DGCR8: variants seen among roughly 807,000 people sequenced by gnomAD.
DGCR8 encodes microprocessor complex subunit DGCR8.
Under a neutral mutation model 78.5 loss-of-function variants are expected in DGCR8, and 14 were observed. The observed-to-expected ratio is 0.18, with a 90% confidence interval of 0.12 to 0.28. The LOEUF (loss-of-function observed/expected upper bound fraction) is 0.28, where lower values mean the gene tolerates loss of function less well. DGCR8 is among the 10% of genes least tolerant of loss of function. DGCR8 has a pLI of 1.00. For missense variants in DGCR8, 702 were observed against 1,022.5 expected (o/e 0.69, Z 4.28); for synonymous variants, 399 against 402.4 (o/e 0.99, Z 0.10).
In DGCR8 at chr22:20,110,445, T is replaced by C. The variant is rs2049825551; in HGVS notation, c.*337T>C. 3.5e-6 allele frequency: 1 copy of C among 283,912 alleles called. No individual in the cohort carries two copies. The highest frequency in any genetic ancestry group is 5.0e-5 in the Admixed American group (1 of 19,970). The allele number at this position is 283,912 out of a possible 1,614,324, so 17.6% of individuals were successfully genotyped here. A position where few individuals can be genotyped will look rare whatever the true frequency, so the allele number is the denominator to read the frequency against. Reference sequence around the variant, plus strand: ...TTATGAAGGCTTTCATGAATTTTAGTATGTAATACGCACTGACGACACATG... The same window carrying C: ...TTATGAAGGCTTTCATGAATTTTAGCATGTAATACGCACTGACGACACATG... On this transcript the variant is annotated 3_prime_UTR_variant, in exon 14 of 14. Transcript: ENST00000351989.
chr22:20,102,103 TA>T, intron 9 of DGCR8: 1 of 974,378 alleles, frequency 1.0e-6, no homozygotes, highest in African/African-American at 1.7e-5. Flanking sequence ...CATCTTATTT[TA>T]AAATTTACAT....
intron 5 of DGCR8, among the ~76,000 whole-genome samples, chr22:20,090,560 T>A (rs1242925944): frequency 6.6e-6 from 1 of 152,230 alleles, no homozygotes; most frequent in African/African-American, 2.4e-5. Context: ...GATCTTTCCC[T>A]AAGTCTTGCT....
intron 1 of DGCR8, among the ~76,000 whole-genome samples, chr22:20,083,184 C>T (rs2049437061): frequency 6.6e-6 from 1 of 152,188 alleles, no homozygotes; most frequent in South Asian, 2.1e-4. Context: ...CTTCTTGGAT[C>T]CCCCTTCCTA....
intron 9 of DGCR8, among the ~76,000 whole-genome samples, chr22:20,098,877 A>G (rs1259302345): frequency 6.6e-6 from 1 of 152,196 alleles, no homozygotes; most frequent in Non-Finnish European, 1.5e-5. Flanking sequence ...GTCTCCAAAT[A>G]CTGTTGCATT....
Position 20,085,051 on chromosome 22 carries a change from G to A in DGCR8, c.-277-636G>A, listed in dbSNP as rs2049463843. 1.0e-6 allele frequency: 1 copy of A among 984,328 alleles called. No individual in the cohort carries two copies. The highest frequency in any genetic ancestry group is 1.2e-6 in the Non-Finnish European group (1 of 829,218). The allele number at this position is 984,328 out of a possible 1,614,324, so 61.0% of individuals were successfully genotyped here. A position where few individuals can be genotyped will look rare whatever the true frequency, so the allele number is the denominator to read the frequency against. Reference sequence around the variant, plus strand: ...AATCCTGGCAGGTCCCTTCCCCACAGCCACCCACCCCTCTCCTCCATCGGG... The same window carrying A: ...AATCCTGGCAGGTCCCTTCCCCACAACCACCCACCCCTCTCCTCCATCGGG... On this transcript the variant is annotated intron_variant, in intron 1 of 13. Transcript: ENST00000351989. This position sits in a 1 kb window ranked among gnomAD's most constrained non-coding sequence, Gnocchi z 6.2.
At chr22:20,084,980 C>T (rs947297872) in intron 1 of DGCR8, 1 of 985,268 alleles carries the variant, frequency 1.0e-6, no homozygotes, top group African/African-American at 1.7e-5. Context: ...GCACCCAGGC[C>T]TCTCTGTGCC....
chr22:20,080,771 C>T (rs941777540), intron 1 of DGCR8: 6 of 152,320 alleles, frequency 3.9e-5, no homozygotes, highest in Admixed American at 3.3e-4. Flanking sequence ...GTCTTTTTGT[C>T]CACAGAATGC....
chr22:20,096,564 CT>C (rs1211127157), intron 9 of DGCR8: 1 of 801,852 alleles, frequency 1.2e-6, no homozygotes, highest in African/African-American at 1.9e-5. Context: ...GCCTTTTAAA[CT>C]ATATAAGTGG....
chr22:20,086,320 G>A lies in DGCR8; in HGVS notation c.357G>A (p.Lys119=). ...ACCTTAAGTTGCTTAAGGATGTAAA[G>A]ATTAGCGTGAGCTTTACCGAGAGCT... is the stretch of plus-strand genomic sequence containing the variant. ...SPDLKLLKDV[K]ISVSFTESCR... is the part of the protein sequence containing the mutation. Residue 119 remains lysine (K), a synonymous_variant, in exon 2 of 14, where the codon AAG becomes AAA. Transcript: ENST00000351989. This position sits in a 1 kb window ranked among gnomAD's most constrained non-coding sequence, Gnocchi z 6.4. 1 of 1,614,160 alleles carries A rather than the reference G, an allele frequency of 6.2e-7. No homozygotes were observed.
At chr22:20,107,489 G>C in intron 12 of DGCR8, 91 bp downstream of exon 12, 1 of 1,511,314 alleles carries the variant, frequency 6.6e-7, no homozygotes, top group Non-Finnish European at 9.1e-7. Flanking sequence ...GCAGAGCTGG[G>C]CAGCTCTGCT....
chr22:20,081,691 C>T (rs1480829261), intron 1 of DGCR8, among the ~76,000 whole-genome samples: 1 of 152,220 alleles, frequency 6.6e-6, no homozygotes, highest in Admixed American at 6.5e-5. Flanking sequence ...AGCTCCAGCC[C>T]TGGCCTCTCT....
chr22:20,085,695 A>G lies in DGCR8; in HGVS notation c.-269A>G, dbSNP rs1199725534. 7.7e-7 allele frequency: 1 copy of G among 1,292,216 alleles called. No homozygotes were observed. The highest frequency in any genetic ancestry group is 9.8e-7 in the Non-Finnish European group (1 of 1,023,646). 80.0% of individuals were successfully genotyped at this position (1,292,216 alleles called of 1,614,324 possible). A position where few individuals can be genotyped will look rare whatever the true frequency, so the allele number is the denominator to read the frequency against. On this transcript the variant is annotated 5_prime_UTR_variant, in exon 2 of 14. Transcript: ENST00000351989. The surrounding 1 kb of genome is among the most constrained non-coding windows in gnomAD (Gnocchi z 6.2). ...TTTAAATTTCTTTGCAGGTAGAAGA[A>G]GAAAGGTGCCACTCCGGCATGAAGA...
At chr22:20,101,632 C>G (rs1463839643) in intron 9 of DGCR8, 10 of 985,212 alleles carry the variant, frequency 1.0e-5, no homozygotes, top group Non-Finnish European at 1.2e-5. Context: ...AAAAATCTGT[C>G]AGAGGGGAAA....
At chr22:20,097,874 A>G (rs1391558265) in intron 9 of DGCR8, among the ~76,000 whole-genome samples, 2 of 147,004 alleles carry the variant, frequency 1.4e-5, no homozygotes, top group Non-Finnish European at 3.0e-5. Context: ...CACACCTGTA[A>G]TCCCAGCACT....
intron 9 of DGCR8, among the ~76,000 whole-genome samples, chr22:20,100,016 A>G (rs9606248): frequency 0.13 from 20,006 of 152,192 alleles, 1,709 homozygotes; most frequent in Non-Finnish European, 0.19. Context: ...ATTGCAGACC[A>G]CATGTGGATC....
At chr22:20,102,336 T>C (rs2049713100) in intron 9 of DGCR8, among the ~76,000 whole-genome samples, 1 of 152,196 alleles carries the variant, frequency 6.6e-6, no homozygotes, top group African/African-American at 2.4e-5. Flanking sequence ...ACGTAGCCTT[T>C]GAACCTGGCC....
At chr22:20,106,533 C>T (rs2049771629) in intron 10 of DGCR8, 59 bp from the exon 11 acceptor site, 2 of 1,297,646 alleles carry the variant, frequency 1.5e-6, no homozygotes, top group African/African-American at 2.9e-5. Flanking sequence ...CAGGCCTCCT[C>T]AGAGGCAGCT....
In DGCR8 at chr22:20,084,113, C is replaced by T. The variant is rs552991188; in HGVS notation, c.-277-1574C>T. Among the ~76,000 whole-genome samples the T allele has an allele frequency of 7.0e-4, 107 of 152,330 alleles. 1 individual carries two copies. In the South Asian group the frequency reaches 0.02, roughly 28 times the overall value. On this transcript the variant is annotated intron_variant, in intron 1 of 13. Coordinates refer to ENST00000351989, the MANE Select transcript of DGCR8 (RefSeq NM_022720.7). ...TCTCTTGTCCATATAGTGCGTTCCT[C>T]GGAGTAGATGGCCAGTGGATAGTTG...
At chr22:20,107,955 A>G (rs1046176347) in intron 12 of DGCR8, 2 of 156,414 alleles carry the variant, frequency 1.3e-5, no homozygotes, top group Non-Finnish European at 2.8e-5. Flanking sequence ...AAATGATTAC[A>G]GAAACTCTCT....
Sources: gnomAD v4.1 joint callset for allele counts (sites outside exome capture counted in the v4.1 genomes callset) on GRCh38, gnomAD v4.1.1 for gene constraint, Gnocchi (gnomAD v3.1) non-coding constraint, MANE v1.5 for transcripts, NCBI Gene and HGNC (gene_info 2026-07-23, HGNC 2026-07-21) for gene names.